PTBP2: variants seen among roughly 807,000 people sequenced by gnomAD.
PTBP2 encodes the protein polypyrimidine tract-binding protein 2.
In PTBP2, 13 loss-of-function variants were observed where a neutral mutation model predicts 61.4. That is an observed-to-expected ratio of 0.21 (90% CI 0.14 to 0.34). The LOEUF is 0.34. Among genes scored for constraint, PTBP2 ranks in the 10% least tolerant of loss-of-function variants. The probability of loss-of-function intolerance (pLI) is 1.00; values close to 1 mark genes in which losing one functional copy is unlikely to be tolerated. For synonymous variants in PTBP2, 215 were observed against 218.5 expected, an observed-to-expected ratio of 0.98 and a Z score of 0.14; for missense variants, 405 against 642.6, an observed-to-expected ratio of 0.63 and a Z score of 4.00.
chr1:96,822,605 T>C (rs1662717902), exon 14 of PTBP2: 1 of 152,240 alleles, frequency 6.6e-6, no homozygotes, highest in African/African-American at 2.4e-5. Context: ...TGTATGTTTC[T>C]TTTTTATAAT....
At chr1:96,722,668 A>C in intron 1 of PTBP2, among the ~76,000 whole-genome samples, 1 of 152,248 alleles carries the variant, frequency 6.6e-6, no homozygotes, top group East Asian at 1.9e-4. Flanking sequence ...CAATGGCAGA[A>C]ACAAGAGCAG....
At chr1:96,823,689 T>C (rs1437889298) in exon 14 of PTBP2, 1 of 152,186 alleles carries the variant, frequency 6.6e-6, no homozygotes, top group Non-Finnish European at 1.5e-5. Context: ...ACCTGCTATC[T>C]ACTTCCAATT....
intron 2 of PTBP2, among the ~76,000 whole-genome samples, chr1:96,727,041 C>T (rs548337461): frequency 1.5e-4 from 23 of 152,164 alleles, no homozygotes; most frequent in African/African-American, 5.1e-4. Context: ...TATCATCTTG[C>T]GCCTTTATAG....
At chr1:96,762,664 C>T (rs1315702546) in intron 3 of PTBP2, among the ~76,000 whole-genome samples, 1 of 144,852 alleles carries the variant, frequency 6.9e-6, no homozygotes, top group Non-Finnish European at 1.5e-5. Context: ...GCTGGCCGGG[C>T]GGGGGTCTGA....
chr1:96,774,787 G>A (rs74104490), intron 5 of PTBP2, among the ~76,000 whole-genome samples: 7,619 of 152,250 alleles, frequency 0.05, 241 homozygotes, highest in African/African-American at 0.091. Context: ...TTACTCCCAT[G>A]CAGTAGGTCC....
At chr1:96,725,741 A>G (rs1204587261) in intron 2 of PTBP2, among the ~76,000 whole-genome samples, 2 of 152,092 alleles carry the variant, frequency 1.3e-5, no homozygotes, top group Non-Finnish European at 2.9e-5. Context: ...TAAAACTTAA[A>G]ACATTTGTGA....
chr1:96,774,668 T>C (rs966496551), intron 5 of PTBP2, among the ~76,000 whole-genome samples: 1 of 152,216 alleles, frequency 6.6e-6, no homozygotes, highest in Non-Finnish European at 1.5e-5. Flanking sequence ...GTTGGCTATA[T>C]TACTACGACA....
intron 8 of PTBP2, among the ~76,000 whole-genome samples, chr1:96,794,616 A>G (rs1477383766): frequency 2.0e-5 from 3 of 152,188 alleles, no homozygotes; most frequent in Admixed American, 6.5e-5. Flanking sequence ...TTTTAACACT[A>G]TGCTAGACAC....
chr1:96,761,346 ATGTGTGTGTGTGTGTGTG>A (rs57451223), intron 3 of PTBP2, among the ~76,000 whole-genome samples: 28 of 140,480 alleles, frequency 2.0e-4, no homozygotes, highest in East Asian at 4.3e-4. Context: ...GTGGGATTTG[ATGTGTGTGTGTGTGTGTG>A]TGTGTGTGTG....
intron 3 of PTBP2, among the ~76,000 whole-genome samples, chr1:96,767,839 A>G (rs533450469): frequency 6.6e-6 from 1 of 152,220 alleles, no homozygotes; most frequent in South Asian, 2.1e-4. Context: ...AGGACATGTG[A>G]TAGCTTCCTG....
intron 11 of PTBP2, among the ~76,000 whole-genome samples, chr1:96,812,101 T>G (rs985536248): frequency 6.6e-6 from 1 of 152,204 alleles, no homozygotes; most frequent in Non-Finnish European, 1.5e-5. Context: ...TTAAGGATAC[T>G]CAACCTGTAC....
At chr1:96,761,161 C>A (rs1441058582) in intron 3 of PTBP2, among the ~76,000 whole-genome samples, 1 of 152,102 alleles carries the variant, frequency 6.6e-6, no homozygotes. Context: ...GTGGCATTTT[C>A]TGGTGTGATG....
intron 8 of PTBP2, among the ~76,000 whole-genome samples, chr1:96,793,722 T>G (rs1660088556): frequency 6.6e-6 from 1 of 152,174 alleles, no homozygotes; most frequent in African/African-American, 2.4e-5. Flanking sequence ...GAGTCACAAA[T>G]TAATTTGAAG....
At chr1:96,734,494 GATAAA>G (rs1651877274) in intron 2 of PTBP2, among the ~76,000 whole-genome samples, 1 of 151,094 alleles carries the variant, frequency 6.6e-6, no homozygotes, top group Non-Finnish European at 1.5e-5. Context: ...AAGGAGTCAC[GATAAA>G]ATAAGATCAG....
chr1:96,756,568 A>G (rs1655182315), intron 3 of PTBP2, among the ~76,000 whole-genome samples: 1 of 152,202 alleles, frequency 6.6e-6, no homozygotes, highest in Admixed American at 6.5e-5. Context: ...GTGAATGGCC[A>G]AATAAACTGT....
chr1:96,789,172 CAA>C (rs148602326), intron 8 of PTBP2, among the ~76,000 whole-genome samples: 2,946 of 152,092 alleles, frequency 0.019, 47 homozygotes, highest in Middle Eastern at 0.044. Context: ...AGACTGTGTA[CAA>C]AGAGTGTTTA....
intron 2 of PTBP2, 95 bp downstream of exon 2, chr1:96,723,689 C>T (rs1649964580): frequency 9.4e-7 from 1 of 1,059,718 alleles, no homozygotes; most frequent in African/African-American, 1.6e-5. Flanking sequence ...TATAACGTAG[C>T]TAACAAAACC....
At chr1:96,794,682 A>G (rs529972268) in intron 8 of PTBP2, among the ~76,000 whole-genome samples, 1 of 152,332 alleles carries the variant, frequency 6.6e-6, no homozygotes, top group South Asian at 2.1e-4. Context: ...TATCAGAGAC[A>G]GAAAACATAT....
rs980018201 is a variant in PTBP2, at chr1:96,814,170, T to C, written c.*765T>C. ...TCTTGTGGGACGTATCATATAAATG[T>C]CAGCACTAAGTAATGTCTTGTTTGT... On this transcript the variant is annotated 3_prime_UTR_variant, in exon 14 of 14. Transcript: ENST00000674951. 14 of 152,530 alleles carry C rather than the reference T, an allele frequency of 9.2e-5. No individual in the cohort carries two copies. The highest frequency in any genetic ancestry group is 1.5e-5 in the Non-Finnish European group (1 of 67,960). 9.4% of individuals were successfully genotyped at this position (152,530 alleles called of 1,614,324 possible).
Sources: gnomAD v4.1 joint callset for allele counts (sites outside exome capture counted in the v4.1 genomes callset) on GRCh38, gnomAD v4.1.1 for gene constraint, MANE v1.5 for transcripts, NCBI Gene and HGNC (gene_info 2026-07-23, HGNC 2026-07-21) for gene names.